DSCAM: variants seen among roughly 807,000 people sequenced by gnomAD.
DSCAM encodes the protein cell adhesion molecule DSCAM.
DSCAM carries 47 observed loss-of-function variants against 217.7 expected under a neutral mutation model. The ratio of observed to expected loss-of-function variants is 0.22; its 90% CI spans 0.17 to 0.28. The LOEUF (loss-of-function observed/expected upper bound fraction) is 0.28. DSCAM is among the 10% of genes least tolerant of loss of function. The pLI, the probability that DSCAM is intolerant of heterozygous loss-of-function variation, is 1.00. For synonymous variants in DSCAM, 1,056 were observed against 1,015.3 expected (o/e 1.04, Z -0.76); for missense variants, 2,080 against 2,618.3 (o/e 0.79, Z 4.49).
At chr21:40,273,578 C>T (rs1258347496) in intron 11 of DSCAM, among the ~76,000 whole-genome samples, 1 of 152,208 alleles carries the variant, frequency 6.6e-6, no homozygotes, top group African/African-American at 2.4e-5. Flanking sequence ...ACAGTCCTGC[C>T]TTTTGAAGGC....
At chr21:40,565,454 G>T (rs539471519) in intron 3 of DSCAM, among the ~76,000 whole-genome samples, 1 of 152,184 alleles carries the variant, frequency 6.6e-6, no homozygotes, top group African/African-American at 2.4e-5. Flanking sequence ...ATATTAATAT[G>T]TTCACAGAGA....
At chr21:40,605,779 T>A (rs2089227199) in intron 3 of DSCAM, among the ~76,000 whole-genome samples, 1 of 148,602 alleles carries the variant, frequency 6.7e-6, no homozygotes, top group Admixed American at 6.7e-5. Flanking sequence ...ATATATGTGC[T>A]TAATGCACAT....
At chr21:40,773,642 C>T (rs2091464718) in intron 1 of DSCAM, among the ~76,000 whole-genome samples, 1 of 152,230 alleles carries the variant, frequency 6.6e-6, no homozygotes, top group South Asian at 2.1e-4. Context: ...CAGCAAAGTG[C>T]CTACAAGCCA....
intron 1 of DSCAM, among the ~76,000 whole-genome samples, chr21:40,722,275 A>G (rs993097589): frequency 5.9e-5 from 9 of 152,124 alleles, no homozygotes; most frequent in African/African-American, 1.9e-4. Context: ...ATAAAATCAT[A>G]TTTTCTCACT....
intron 11 of DSCAM, among the ~76,000 whole-genome samples, chr21:40,266,672 A>ATATATATAG (rs1422997672): frequency 2.2e-5 from 1 of 45,010 alleles, no homozygotes; most frequent in Non-Finnish European, 4.2e-5. Context: ...TATATATATA[A>ATATATATAG]TCTTGAAATT....
chr21:40,349,904 AG>A (rs1192000033), intron 5 of DSCAM, among the ~76,000 whole-genome samples: 1 of 152,020 alleles, frequency 6.6e-6, no homozygotes, highest in Non-Finnish European at 1.5e-5. Flanking sequence ...AGAGAAACAA[AG>A]ATCTGAATGA....
chr21:40,039,119 T>C (rs1011609174), intron 32 of DSCAM, among the ~76,000 whole-genome samples: 4 of 152,080 alleles, frequency 2.6e-5, no homozygotes, highest in African/African-American at 9.7e-5. Flanking sequence ...TATACATATG[T>C]AACTAACCTG....
chr21:40,042,260 CAG>C, intron 32 of DSCAM, 109 bp downstream of exon 32: 1 of 1,148,894 alleles, frequency 8.7e-7, no homozygotes, highest in Non-Finnish European at 1.2e-6. Flanking sequence ...CATCCATAAA[CAG>C]AGCACCCATT....
Position 40,293,367 on chromosome 21 carries a change from C to T in DSCAM, c.2182+2688G>A, listed in dbSNP as rs562034018. 4.6e-5 allele frequency among the ~76,000 whole-genome samples: 7 copies of T among 152,166 alleles called. No homozygotes were observed. The South Asian group carries it at 8.3e-4, about 18-fold the overall frequency. On this transcript the variant is annotated intron_variant, in intron 10 of 32. Coordinates refer to ENST00000400454, the MANE Select transcript of DSCAM (RefSeq NM_001389.5). ...GTTGACACTATAGCTTGGTGGCCATCGTTTGAGGATGAAGAATGCTGCTAG... is the reference window on the plus strand; with the variant it reads ...GTTGACACTATAGCTTGGTGGCCATTGTTTGAGGATGAAGAATGCTGCTAG...
chr21:40,052,561 G>A (rs2088950581), intron 29 of DSCAM, among the ~76,000 whole-genome samples: 1 of 152,158 alleles, frequency 6.6e-6, no homozygotes, highest in South Asian at 2.1e-4. Flanking sequence ...CGCCACTACA[G>A]TTCTCTCTAC....
rs2091686608 is a variant in DSCAM at position 40,795,813 on chromosome 21, A to G, written c.43+50806T>C. On this transcript the variant is annotated intron_variant, in intron 1 of 32. Transcript: ENST00000400454. ...ATTGTGTAGTAATCCAGTTTTCTTT[A>G]ACTGCAGATGCCTCAGATGATCTGA... is the stretch of plus-strand genomic sequence containing the variant. 1.3e-5 allele frequency among the ~76,000 whole-genome samples: 2 copies of G among 152,284 alleles called. 1 individual carries two copies. The highest frequency in any genetic ancestry group is 4.1e-4 in the South Asian group (2 of 4,828).
At chr21:40,328,506 T>C (rs1483647170) in intron 8 of DSCAM, among the ~76,000 whole-genome samples, 1 of 152,138 alleles carries the variant, frequency 6.6e-6, no homozygotes, top group Non-Finnish European at 1.5e-5. Flanking sequence ...AAGACTTAAA[T>C]GGAAGGGCCT....
chr21:40,747,986 A>G (rs2146555481), intron 1 of DSCAM, among the ~76,000 whole-genome samples: 1 of 152,196 alleles, frequency 6.6e-6, no homozygotes, highest in East Asian at 1.9e-4. Context: ...GATAATTTCA[A>G]TAGATGCTGA....
At chr21:40,710,191 T>A (rs939218201) in intron 1 of DSCAM, among the ~76,000 whole-genome samples, 1 of 151,704 alleles carries the variant, frequency 6.6e-6, no homozygotes, top group Non-Finnish European at 1.5e-5. Context: ...GTTTTTTTTC[T>A]TGTAAATTTA....
At chr21:40,575,674 A>G (rs1299333300) in intron 3 of DSCAM, among the ~76,000 whole-genome samples, 2 of 152,226 alleles carry the variant, frequency 1.3e-5, no homozygotes, top group Non-Finnish European at 2.9e-5. Flanking sequence ...TCAATTTTTT[A>G]AATTTGCTAA....
rs2075463260 is a variant in DSCAM at position 40,425,435 on chromosome 21, C to T, written c.509-56190G>A. On this transcript the variant is annotated intron_variant, in intron 3 of 32. Transcript: ENST00000400454. ...GAGTTAACGGGTGCAGCACACCAAC[C>T]TGGCGCATGTATACATATGTAACAA... Among the ~76,000 whole-genome samples, 3 of 151,978 alleles carry T rather than the reference C, an allele frequency of 2.0e-5. No individual in the cohort carries two copies. In the South Asian group the frequency reaches 6.2e-4, roughly 32 times the overall value.
intron 3 of DSCAM, among the ~76,000 whole-genome samples, chr21:40,639,689 ATGTGTG>A (rs56796261): frequency 4.0e-5 from 6 of 150,282 alleles, no homozygotes; most frequent in African/African-American, 7.3e-5. Flanking sequence ...ATGTGTGTGC[ATGTGTG>A]TGTGTGTGTG....
intron 3 of DSCAM, among the ~76,000 whole-genome samples, chr21:40,474,802 T>C (rs1335826703): frequency 2.6e-5 from 4 of 152,134 alleles, no homozygotes; most frequent in Non-Finnish European, 4.4e-5. Context: ...GCAGTCCGTG[T>C]CCATTAGAGA....
intron 27 of DSCAM, among the ~76,000 whole-genome samples, chr21:40,067,269 A>G (rs965965420): frequency 9.2e-5 from 14 of 152,250 alleles, no homozygotes; most frequent in Admixed American, 9.2e-4. Flanking sequence ...ACCATTGCAA[A>G]GTCAAAAACT....
Sources: allele counts gnomAD v4.1 joint callset (sites outside exome capture counted in the v4.1 genomes callset), GRCh38; gene constraint gnomAD v4.1.1; transcripts MANE v1.5; gene names NCBI Gene and HGNC (gene_info 2026-07-23, HGNC 2026-07-21).